ANKS1A: variants seen among roughly 807,000 people sequenced by gnomAD.
ANKS1A encodes the protein ankyrin repeat and SAM domain-containing protein 1A.
A neutral mutation model predicts 120.3 loss-of-function variants in ANKS1A; 55 were observed. The ratio of observed to expected loss-of-function variants is 0.46; its 90% CI spans 0.37 to 0.57. ANKS1A has a LOEUF of 0.57. Ranked by LOEUF, ANKS1A falls within the 20% of genes least tolerant of loss-of-function variation. The pLI is 0.00. For missense variants in ANKS1A, 1,123 were observed against 1,480.3 expected, an observed-to-expected ratio of 0.76 and a Z score of 3.96; for synonymous variants, 590 against 604.7, an observed-to-expected ratio of 0.98 and a Z score of 0.36.
intron 1 of ANKS1A, among the ~76,000 whole-genome samples, chr6:34,902,983 T>G (rs957448155): frequency 2.7e-4 from 41 of 152,296 alleles, no homozygotes; most frequent in African/African-American, 9.6e-4. Context: ...TAGCGTCTTC[T>G]CATTCAATTG....
intron 23 of ANKS1A, 150 bp from the exon 24 acceptor site, chr6:35,088,456 G>T (rs147264612): frequency 1.1e-5 from 11 of 981,036 alleles, no homozygotes; most frequent in Non-Finnish European, 1.8e-5. Flanking sequence ...GGGGCTGCAG[G>T]CTGTGGGTGC....
At chr6:34,919,539 C>T (rs12173920) in intron 1 of ANKS1A, among the ~76,000 whole-genome samples, 12,198 of 152,284 alleles carry the variant, frequency 0.08, 682 homozygotes, top group East Asian at 0.33. Flanking sequence ...GCCTACAGAA[C>T]TTCCCATGCT....
At chr6:34,978,665 C>T (rs968991126) in intron 3 of ANKS1A, among the ~76,000 whole-genome samples, 2 of 151,696 alleles carry the variant, frequency 1.3e-5, no homozygotes, top group Non-Finnish European at 2.9e-5. Flanking sequence ...ATTAGCTAGG[C>T]GTGGTGGCAC....
rs750989331 is a variant in ANKS1A at position 34,889,541 on chromosome 6, AGCG to A, written c.157_159del (p.Gly53del). On this transcript the variant is annotated inframe_deletion, in exon 1 of 24. Coordinates refer to ENST00000360359, the MANE Select transcript of ANKS1A (RefSeq NM_015245.3). This position sits in a 1 kb window ranked among gnomAD's most constrained non-coding sequence, Gnocchi z 5.5. ...TGGCTCTGGGGGCGGCGGCGGCGGC[AGCG>A]GCGGCGGCGGCGGCGGCCTCGGCTC... 397 of 1,194,482 alleles carry A rather than the reference AGCG, an allele frequency of 3.3e-4. No homozygotes were observed. Among genetic ancestry groups the A allele is most frequent in the South Asian group, 2.1e-3 (51 of 24,558 alleles). The allele number at this position is 1,194,482 out of a possible 1,614,324, so 74.0% of individuals were successfully genotyped here. A position where few individuals can be genotyped will look rare whatever the true frequency, so the allele number is the denominator to read the frequency against.
chr6:34,972,516 G>A (rs1581572756), intron 3 of ANKS1A: 1 of 844,206 alleles, frequency 1.2e-6, no homozygotes, highest in Admixed American at 6.2e-5. Flanking sequence ...CCTCAGGGCT[G>A]TGTATTGCTT....
rs964928717 is a variant in ANKS1A at position 35,082,174 on chromosome 6, C to T, written c.2710-517C>T. Among the ~76,000 whole-genome samples, 2 of 152,070 alleles carry T rather than the reference C, an allele frequency of 1.3e-5. No individual in the cohort carries two copies. Among genetic ancestry groups the T allele is most frequent in the Admixed American group, 6.5e-5 (1 of 15,272 alleles). On this transcript the variant is annotated intron_variant, in intron 17 of 23. Transcript: ENST00000360359. This position sits in a 1 kb window ranked among gnomAD's most constrained non-coding sequence, Gnocchi z 4.1. ...GGGACCCATGATCTCTCACCTGGAC[C>T]GCAGTGGCCTCCCCCACCCCCTAGC...
intron 10 of ANKS1A, among the ~76,000 whole-genome samples, chr6:35,003,168 G>A (rs1773257885): frequency 6.6e-6 from 1 of 152,020 alleles, no homozygotes; most frequent in African/African-American, 2.4e-5. Flanking sequence ...GAAAAATAAT[G>A]AATCGCCCCC....
chr6:35,078,720 C>T, intron 14 of ANKS1A, 64 bp downstream of exon 14: 1 of 1,477,812 alleles, frequency 6.8e-7, no homozygotes, highest in Non-Finnish European at 9.3e-7. Context: ...CTAGCACCAC[C>T]TGCACCAAGA....
chr6:34,942,162 T>C (rs1447468656), intron 1 of ANKS1A, among the ~76,000 whole-genome samples: 1 of 152,242 alleles, frequency 6.6e-6, no homozygotes, highest in Non-Finnish European at 1.5e-5. Flanking sequence ...CGGATGAAGT[T>C]TCTCATACGA....
chr6:35,007,032 A>T (rs1021987506), intron 10 of ANKS1A, among the ~76,000 whole-genome samples: 6 of 152,178 alleles, frequency 3.9e-5, no homozygotes, highest in Non-Finnish European at 5.9e-5. Context: ...TCAAATTAAG[A>T]GATTTTAAAA....
At chr6:35,016,366 A>C (rs1561914213) in intron 10 of ANKS1A, among the ~76,000 whole-genome samples, 1 of 152,206 alleles carries the variant, frequency 6.6e-6, no homozygotes, top group Non-Finnish European at 1.5e-5. Flanking sequence ...GGTGCAATAG[A>C]TCCCACTTAT....
At chr6:34,997,074 T>C (rs1382138254) in intron 10 of ANKS1A, among the ~76,000 whole-genome samples, 1 of 152,220 alleles carries the variant, frequency 6.6e-6, no homozygotes, top group African/African-American at 2.4e-5. Flanking sequence ...CGGTTCTTAG[T>C]GTGCACAGCT....
At chr6:34,894,063 A>G (rs1766952668) in intron 1 of ANKS1A, among the ~76,000 whole-genome samples, 1 of 152,220 alleles carries the variant, frequency 6.6e-6, no homozygotes, top group African/African-American at 2.4e-5. Flanking sequence ...CATGGATTAT[A>G]CTTTATATAA....
chr6:34,969,058 T>C (rs987937038), intron 2 of ANKS1A, among the ~76,000 whole-genome samples: 1 of 152,316 alleles, frequency 6.6e-6, no homozygotes, highest in East Asian at 1.9e-4. Flanking sequence ...ATGACTATAG[T>C]TTGTTAGCCA....
intron 13 of ANKS1A, among the ~76,000 whole-genome samples, chr6:35,078,056 G>T (rs1294478676): frequency 2.6e-5 from 4 of 152,168 alleles, no homozygotes; most frequent in Non-Finnish European, 5.9e-5. Context: ...CTGGGACAAG[G>T]ACGCCCTTTT....
intron 10 of ANKS1A, among the ~76,000 whole-genome samples, chr6:34,998,589 C>CTGT (rs1772977390): frequency 6.6e-6 from 1 of 152,094 alleles, no homozygotes; most frequent in Admixed American, 6.5e-5. Flanking sequence ...ACTTCCCGGT[C>CTGT]TGTTCTATTT....
chr6:34,911,024 T>C (rs1330319749), intron 1 of ANKS1A, among the ~76,000 whole-genome samples: 1 of 152,194 alleles, frequency 6.6e-6, no homozygotes, highest in Non-Finnish European at 1.5e-5. Context: ...AGAAGGGTAG[T>C]ATTCATTTTA....
At chr6:34,999,541 A>C (rs1773041379) in intron 10 of ANKS1A, among the ~76,000 whole-genome samples, 1 of 152,200 alleles carries the variant, frequency 6.6e-6, no homozygotes. Flanking sequence ...CTATGTTGAA[A>C]AATTTCAAGA....
chr6:34,987,853 A>G (rs1195640103), intron 8 of ANKS1A, among the ~76,000 whole-genome samples: 2 of 152,250 alleles, frequency 1.3e-5, no homozygotes, highest in Non-Finnish European at 2.9e-5. Flanking sequence ...TTAACAACAC[A>G]GTGAACAAAC....
Sources: gnomAD v4.1 joint callset for allele counts (sites outside exome capture counted in the v4.1 genomes callset) on GRCh38, gnomAD v4.1.1 for gene constraint, Gnocchi (gnomAD v3.1) non-coding constraint, MANE v1.5 for transcripts, NCBI Gene and HGNC (gene_info 2026-07-23, HGNC 2026-07-21) for gene names.